Variants in MUC5B observed in about 807,000 individuals in gnomAD.
MUC5B encodes the protein mucin 5B, oligomeric mucus/gel-forming.
In MUC5B, 116 loss-of-function variants were observed where a neutral mutation model predicts 376.9. That is an observed-to-expected ratio of 0.31 (90% CI 0.26 to 0.36). The LOEUF is 0.36. Among genes scored for constraint, MUC5B ranks in the 10% least tolerant of loss-of-function variants. The pLI is 1.00. For synonymous variants in MUC5B, 3,517 were observed against 3,390.9 expected, an observed-to-expected ratio of 1.04 and a Z score of -1.29; for missense variants, 7,165 against 7,769.9, an observed-to-expected ratio of 0.92 and a Z score of 2.93.
In MUC5B at chr11:1,261,716, G is replaced by C. The variant is rs1254154277; in HGVS notation, c.*108G>C. ...CTGCGGAGCCCCCCGGCCTGTGTGTGGCACCCCGCGCTCCGTGCTCCTGCT... is the reference window on the plus strand; with the variant it reads ...CTGCGGAGCCCCCCGGCCTGTGTGTCGCACCCCGCGCTCCGTGCTCCTGCT... On this transcript the variant is annotated 3_prime_UTR_variant, in exon 49 of 49. Transcript: ENST00000529681. 8.8e-7 allele frequency: 1 copy of C among 1,138,844 alleles called. No individual in the cohort carries two copies. The highest frequency in any genetic ancestry group is 1.3e-6 in the Non-Finnish European group (1 of 783,738). 70.5% of individuals were successfully genotyped at this position (1,138,844 alleles called of 1,614,324 possible). A position where few individuals can be genotyped will look rare whatever the true frequency, so the allele number is the denominator to read the frequency against.
At chr11:1,228,991 G>GCA (rs1456268071) in intron 8 of MUC5B, among the ~76,000 whole-genome samples, 179 bp from the exon 9 acceptor site, 1 of 151,856 alleles carries the variant, frequency 6.6e-6, no homozygotes, top group Non-Finnish European at 1.5e-5. Context: ...AGCAGGTGGC[G>GCA]GGGGCTGGGG....
rs566783011 is a variant in MUC5B at position 1,243,709 on chromosome 11, A to T, written c.6829A>T (p.Thr2277Ser). The change falls in exon 31 of 49, where the codon ACG becomes TCG. Residue 2277 changes from threonine (T) to serine (S), a missense_variant. By Grantham distance (58) the Thr-to-Ser change is moderately conservative (BLOSUM62 1). Coordinates refer to ENST00000529681, the MANE Select transcript of MUC5B (RefSeq NM_002458.3). ...SPGTTTPGHTTATSRTTATAT... is the reference protein window; with the variant it reads ...SPGTTTPGHTSATSRTTATAT... ...AGGGACGACCACCCCGGGCCACACC[A>T]CGGCCACCTCCAGGACCACAGCCAC... The T allele has an allele frequency of 4.0e-4, 647 of 1,609,754 alleles. 11 individuals are homozygous for T. In the South Asian group the frequency reaches 6.6e-3, roughly 16 times the overall value.
chr11:1,250,861 A>T lies in MUC5B; in HGVS notation c.13981A>T (p.Thr4661Ser). 4 of 1,604,522 alleles carry T rather than the reference A, an allele frequency of 2.5e-6. No homozygotes were observed. Among genetic ancestry groups the T allele is most frequent in the Non-Finnish European group, 3.4e-6 (4 of 1,175,566 alleles). ...GACCACCACCACCACAACTGTGGCC[A>T]CTGGTTCTATGGCAACACCCTCCTC... is the stretch of plus-strand genomic sequence containing the variant. ...VLTTTTTTVA[T>S]GSMATPSSST... Residue 4661 changes from threonine to serine, a missense_variant, in exon 31 of 49, where the codon ACT (threonine) becomes TCT (serine). By Grantham distance (58) the Thr-to-Ser change is moderately conservative. This residue lies in a region of MUC5B where 730 missense variants were observed against 592.7 expected (regional missense o/e 1.23). Coordinates refer to ENST00000529681, the MANE Select transcript of MUC5B (RefSeq NM_002458.3).
rs200896751 is a variant in MUC5B, at chr11:1,237,150, G to A, written c.3283G>A (p.Ala1095Thr). The change falls in exon 25 of 49, where the codon GCC becomes ACC. Residue 1095 changes from alanine (A) to threonine (T), a missense_variant. Ala to Thr is a moderately conservative substitution (Grantham distance 58, BLOSUM62 0). Coordinates refer to ENST00000529681, the MANE Select transcript of MUC5B (RefSeq NM_002458.3). ...CSILHGPTFA[A>T]CRSQVDSTKY... The stretch of plus-strand genomic sequence containing the variant: ...CATCCTCCACGGCCCCACCTTCGCC[G>A]CCTGCCGCTCCCAGGTGGGGCTCTG... 2.1e-5 allele frequency: 30 copies of A among 1,421,386 alleles called. No homozygotes were observed. The highest frequency in any genetic ancestry group is 5.5e-5 in the East Asian group (2 of 36,408). The allele number at this position is 1,421,386 out of a possible 1,614,324, so 88.0% of individuals were successfully genotyped here.
At chr11:1,226,517 G>A in intron 3 of MUC5B, 98 bp from the exon 4 acceptor site, 1 of 1,468,606 alleles carries the variant, frequency 6.8e-7, no homozygotes, top group Non-Finnish European at 9.1e-7. Flanking sequence ...AGCCGACCAT[G>A]GGCTTTTCCA....
chr11:1,260,415 AC>A, intron 47 of MUC5B, 22 bp downstream of exon 47: 2 of 1,612,110 alleles, frequency 1.2e-6, no homozygotes, highest in Non-Finnish European at 1.7e-6. Flanking sequence ...CCACCTTCCC[AC>A]ACCAGCCCTC....
rs879153148 is a variant in MUC5B at position 1,232,843 on chromosome 11, C to T, written c.2065+73C>T. ...GCGGGGGACCCTGGCCGGCAGCAGC[C>T]GTCACTCACACGGTTCTCAGCCCAG... is the stretch of plus-strand genomic sequence containing the variant. On this transcript the variant is annotated intron_variant, in intron 17 of 48. Transcript: ENST00000529681. 3.9e-4 allele frequency: 582 copies of T among 1,500,228 alleles called. 14 individuals are homozygous for T. In the Admixed American group the frequency reaches 0.012, roughly 30 times the overall value. 92.9% of individuals were successfully genotyped at this position (1,500,228 alleles called of 1,614,324 possible). A position where few individuals can be genotyped will look rare whatever the true frequency, so the allele number is the denominator to read the frequency against.
At position 1,247,233 on chromosome 11, in the gene MUC5B, G is replaced by A. The variant is rs556115696; in HGVS notation, c.10353G>A (p.Thr3451=). Reference sequence around the variant, plus strand: ...ACACACCCCCAGTGCCGAACACCACGGCCACCACACACGGGCGGTCCCTGC... The same window carrying A: ...ACACACCCCCAGTGCCGAACACCACAGCCACCACACACGGGCGGTCCCTGC... ...TTHTPPVPNT[T]ATTHGRSLPP... Residue 3451 remains threonine, a synonymous_variant, in exon 31 of 49, where the codon ACG becomes ACA. Coordinates refer to ENST00000529681, the MANE Select transcript of MUC5B (RefSeq NM_002458.3). 3.8e-5 allele frequency: 61 copies of A among 1,612,058 alleles called. No homozygotes were observed. The highest frequency in any genetic ancestry group is 2.5e-4 in the South Asian group (23 of 90,962).
chr11:1,251,730 G>T lies in MUC5B; in HGVS notation c.14850G>T (p.Gln4950His), dbSNP rs182790011. Reference sequence around the variant, plus strand: ...CCTGCTTCTGCAGGGCATTTGGACAGTTTTTCTCGCCCGGTGAGTGCATGT... The same window carrying T: ...CCTGCTTCTGCAGGGCATTTGGACATTTTTTCTCGCCCGGTGAGTGCATGT... ...STPCFCRAFG[Q>H]FFSPGEVIYN... The change falls in exon 31 of 49, where the codon CAG becomes CAT. Residue 4950 changes from glutamine (Q) to histidine (H), a missense_variant. Transcript: ENST00000529681. The T allele has an allele frequency of 1.6e-5, 26 of 1,600,068 alleles. No individual in the cohort carries two copies. The highest frequency in any genetic ancestry group is 2.1e-5 in the Non-Finnish European group (25 of 1,170,690).
At chr11:1,226,487 C>A in intron 3 of MUC5B, 128 bp from the exon 4 acceptor site, 2 of 1,368,076 alleles carry the variant, frequency 1.5e-6, no homozygotes, top group Non-Finnish European at 2.0e-6. Flanking sequence ...CCAGGGTGAG[C>A]CAGGCAGGGC....
In MUC5B at chr11:1,234,266, C is replaced by T. The variant is rs373323948; in HGVS notation, c.2439C>T (p.Ala813=). The T allele has an allele frequency of 4.9e-5, 78 of 1,606,384 alleles. No homozygotes were observed. The highest frequency in any genetic ancestry group is 2.7e-5 in the African/African-American group (2 of 74,764). The change falls in exon 20 of 49, where the codon GCC becomes GCT. Residue 813 remains alanine (A), a synonymous_variant. Coordinates refer to ENST00000529681, the MANE Select transcript of MUC5B (RefSeq NM_002458.3). This position sits in a 1 kb window ranked among gnomAD's most constrained non-coding sequence, Gnocchi z 6.3. The stretch of plus-strand genomic sequence containing the variant: ...ACAGCTCGGCGGGCACCCCTGGGGC[C>T]GAGTGCCTCCGGAGCTGCCACACGC... ...CSNSSAGTPG[A]ECLRSCHTLD... is the part of the protein sequence containing the mutation.
In MUC5B at chr11:1,257,455, G is replaced by A; in HGVS notation, c.16270-75G>A. 5.8e-6 allele frequency: 9 copies of A among 1,543,932 alleles called. No homozygotes were observed. Among genetic ancestry groups the A allele is most frequent in the Non-Finnish European group, 7.9e-6 (9 of 1,133,290 alleles). On this transcript the variant is annotated intron_variant, in intron 40 of 48. Transcript: ENST00000529681. The surrounding 1 kb of genome is among the most constrained non-coding windows in gnomAD (Gnocchi z 8.9). Reference sequence around the variant, plus strand: ...CACTCGGGTACCAGCCCGAGGGAGGGGGTGGCTGGACAGATGCCCAGGGTT... The same window carrying A: ...CACTCGGGTACCAGCCCGAGGGAGGAGGTGGCTGGACAGATGCCCAGGGTT...
chr11:1,259,112 C>G lies in MUC5B; in HGVS notation c.16713+51C>G. 11 of 1,521,808 alleles carry G rather than the reference C, an allele frequency of 7.2e-6. No homozygotes were observed. The South Asian group carries it at 1.3e-4, about 18-fold the overall frequency. 94.3% of individuals were successfully genotyped at this position (1,521,808 alleles called of 1,614,324 possible). On this transcript the variant is annotated intron_variant, in intron 44 of 48. Transcript: ENST00000529681. ...GGTGAGCCCCCGAGGCACCTGCCCC[C>G]AAGTGAGACCCGAGGCACCTGCCCC...
chr11:1,240,174 C>T lies in MUC5B; in HGVS notation c.3773-4C>T. 1 of 1,591,246 alleles carries T rather than the reference C, an allele frequency of 6.3e-7. No homozygotes were observed. The highest frequency in any genetic ancestry group is 8.6e-7 in the Non-Finnish European group (1 of 1,163,972). On this transcript the variant is annotated splice_region_variant and splice_polypyrimidine_tract_variant and intron_variant, in intron 29 of 48. Coordinates refer to ENST00000529681, the MANE Select transcript of MUC5B (RefSeq NM_002458.3). The stretch of plus-strand genomic sequence containing the variant: ...CTGGGTGACTCTGCCGGCTCCATCC[C>T]CAGCCTGCACCTGCACCTATGAGGA...
At position 1,253,041 on chromosome 11, in the gene MUC5B, G is replaced by T. The variant is rs1293304651; in HGVS notation, c.15217+61G>T. On this transcript the variant is annotated intron_variant, in intron 33 of 48. Coordinates refer to ENST00000529681, the MANE Select transcript of MUC5B (RefSeq NM_002458.3). The surrounding 1 kb of genome is among the most constrained non-coding windows in gnomAD (Gnocchi z 4.3). The stretch of plus-strand genomic sequence containing the variant: ...GCAGGTGGAGCAGAGTGCACCGTCG[G>T]CTAGGCTGGCAGAATGGGGCATGGT... 1.3e-6 allele frequency: 2 copies of T among 1,594,986 alleles called. No individual in the cohort carries two copies. Among genetic ancestry groups the T allele is most frequent in the Non-Finnish European group, 1.7e-6 (2 of 1,169,066 alleles).
At chr11:1,256,510 G>GC in intron 38 of MUC5B, 161 bp from the exon 39 acceptor site, 2 of 34,308 alleles carry the variant, frequency 5.8e-5, no homozygotes, top group Admixed American at 4.7e-4. Context: ...CCCCACCCCA[G>GC]CCCCACCCGT....
intron 10 of MUC5B, 63 bp downstream of exon 10, chr11:1,229,870 C>T (rs182876045): frequency 1.3e-6 from 2 of 1,545,644 alleles, no homozygotes; most frequent in African/African-American, 1.4e-5. Flanking sequence ...ATTTATGAAC[C>T]CGCCAGCCTC....
chr11:1,233,760 G>T (rs55771420), intron 18 of MUC5B, 33 bp from the exon 19 acceptor site: 1 of 1,584,694 alleles, frequency 6.3e-7, no homozygotes, highest in Non-Finnish European at 8.6e-7. Context: ...GGTGAGGGCC[G>T]CAGATCCAGG....
At chr11:1,235,822 G>A (rs1487531947) in intron 23 of MUC5B, among the ~76,000 whole-genome samples, 1 of 151,768 alleles carries the variant, frequency 6.6e-6, no homozygotes, top group Non-Finnish European at 1.5e-5. Flanking sequence ...CGTAGTCCAG[G>A]ATGATCTCAT....
Sources: allele counts gnomAD v4.1 joint callset (sites outside exome capture counted in the v4.1 genomes callset), GRCh38; gene constraint gnomAD v4.1.1; regional missense constraint gnomAD v4.1.1; non-coding constraint Gnocchi (gnomAD v3.1); transcripts MANE v1.5; gene names NCBI Gene and HGNC (gene_info 2026-07-23, HGNC 2026-07-21).